The following FAF2 variants were observed in gnomAD, a reference collection of about 807,000 sequenced individuals.
The protein encoded by FAF2 is FAS-associated factor 2.
FAF2 carries 9 observed loss-of-function variants against 62.3 expected under a neutral mutation model. The ratio of observed to expected loss-of-function variants is 0.14; its 90% confidence interval spans 0.09 to 0.25. FAF2 has a LOEUF of 0.25. Ranked by LOEUF, FAF2 falls within the 10% of genes least tolerant of loss-of-function variation. FAF2 has a pLI of 1.00. For missense variants in FAF2, 368 were observed against 556.2 expected (o/e 0.66, Z 3.40); for synonymous variants, 202 against 198.0 (o/e 1.02, Z -0.17).
intron 1 of FAF2, among the ~76,000 whole-genome samples, chr5:176,463,174 A>C (rs948544829): frequency 2.6e-5 from 4 of 152,024 alleles, no homozygotes; most frequent in African/African-American, 7.2e-5. Flanking sequence ...CGGGTGGATC[A>C]CCTGAGGTCA....
chr5:176,469,729 T>G (rs142236777), intron 1 of FAF2, among the ~76,000 whole-genome samples: 4 of 152,338 alleles, frequency 2.6e-5, no homozygotes, highest in Non-Finnish European at 5.9e-5. Context: ...TTCATCATAG[T>G]GCTATTTTAA....
At position 176,508,406 on chromosome 5, in the gene FAF2, C is replaced by CA. The variant is rs1224698504; in HGVS notation, c.*1458dup. The CA allele has an allele frequency of 6.6e-6, 1 of 152,134 alleles. No individual in the cohort carries two copies. Among genetic ancestry groups the CA allele is most frequent in the African/African-American group, 2.4e-5 (1 of 41,420 alleles). 9.4% of individuals were successfully genotyped at this position (152,134 alleles called of 1,614,324 possible). A position where few individuals can be genotyped will look rare whatever the true frequency, so the allele number is the denominator to read the frequency against. On this transcript the variant is annotated 3_prime_UTR_variant, in exon 11 of 11. Coordinates refer to ENST00000261942, the MANE Select transcript of FAF2 (RefSeq NM_014613.3). ...TGCTGTGAGGGCGGGGGGTTCAGAT[C>CA]AACATAAAGCCTAACTTGCTGGAGT...
At chr5:176,490,829 A>G (rs1458294135) in intron 4 of FAF2, among the ~76,000 whole-genome samples, 1 of 67,004 alleles carries the variant, frequency 1.5e-5, no homozygotes, top group Non-Finnish European at 3.3e-5. Flanking sequence ...TCGTGGGAAT[A>G]TTGTGTAATG....
intron 4 of FAF2, among the ~76,000 whole-genome samples, chr5:176,490,579 G>A (rs911581142): frequency 3.3e-5 from 5 of 152,122 alleles, no homozygotes; most frequent in African/African-American, 4.8e-5. Flanking sequence ...AGCTGCATAA[G>A]TACAAGGGTC....
At chr5:176,478,825 A>T (rs1190335101) in intron 1 of FAF2, among the ~76,000 whole-genome samples, 1 of 152,218 alleles carries the variant, frequency 6.6e-6, no homozygotes, top group African/African-American at 2.4e-5. Flanking sequence ...CAGATTTGGG[A>T]TGCTCAACCT....
intron 1 of FAF2, among the ~76,000 whole-genome samples, chr5:176,465,457 T>G (rs748726185): frequency 2.8e-5 from 4 of 144,442 alleles, no homozygotes; most frequent in Non-Finnish European, 6.0e-5. Context: ...AGCCTCCACC[T>G]CCTGGATTCA....
At chr5:176,490,384 G>A (rs114922200) in intron 4 of FAF2, among the ~76,000 whole-genome samples, 4,181 of 152,152 alleles carry the variant, frequency 0.027, 173 homozygotes, top group African/African-American at 0.095. Context: ...TGGGTTATCT[G>A]GTCCAGAGCC....
At chr5:176,505,193 C>T (rs1294141761) in intron 10 of FAF2, among the ~76,000 whole-genome samples, 6 of 152,116 alleles carry the variant, frequency 3.9e-5, no homozygotes, top group Non-Finnish European at 1.5e-5. Context: ...GTATGTTCGT[C>T]ATCTTTGGGG....
intron 1 of FAF2, among the ~76,000 whole-genome samples, chr5:176,454,795 T>C (rs1476120411): frequency 6.6e-6 from 1 of 152,162 alleles, no homozygotes; most frequent in Admixed American, 6.6e-5. Context: ...GACTGATTAA[T>C]TGGAGCAGAT....
At chr5:176,466,614 A>G (rs1313072597) in intron 1 of FAF2, among the ~76,000 whole-genome samples, 5 of 152,228 alleles carry the variant, frequency 3.3e-5, no homozygotes, top group Non-Finnish European at 5.9e-5. Flanking sequence ...ATTGTTTGTG[A>G]TACCTTCTTT....
intron 5 of FAF2, among the ~76,000 whole-genome samples, chr5:176,493,120 A>G (rs1382664574): frequency 6.6e-6 from 1 of 152,250 alleles, no homozygotes; most frequent in Non-Finnish European, 1.5e-5. Context: ...ATGCTGTGGC[A>G]ATAGGCAAAA....
intron 1 of FAF2, among the ~76,000 whole-genome samples, chr5:176,477,395 A>G (rs1296026924): frequency 6.6e-6 from 1 of 151,958 alleles, no homozygotes; most frequent in African/African-American, 2.4e-5. Context: ...CCTAGAGTCC[A>G]ATTCTTAAAG....
At chr5:176,479,135 C>T in intron 1 of FAF2, 53 bp from the exon 2 acceptor site, 1 of 1,404,148 alleles carries the variant, frequency 7.1e-7, no homozygotes, top group East Asian at 2.3e-5. Context: ...AAAATACTCA[C>T]ACGTATACTG....
chr5:176,498,845 T>C (rs913455477), intron 8 of FAF2, 69 bp from the exon 9 acceptor site: 29 of 1,394,242 alleles, frequency 2.1e-5, no homozygotes, highest in Non-Finnish European at 2.6e-5. Context: ...ACAGAAGATT[T>C]CAATATAAGA....
intron 1 of FAF2, 129 bp from the exon 2 acceptor site, chr5:176,479,059 T>G: frequency 1.3e-6 from 1 of 747,774 alleles, no homozygotes; most frequent in Non-Finnish European, 2.4e-6. Flanking sequence ...ATCGGTGAAG[T>G]TTTACCATAC....
At position 176,494,827 on chromosome 5, in the gene FAF2, G is replaced by A. The variant is rs1355041424; in HGVS notation, c.661+552G>A. On this transcript the variant is annotated intron_variant, in intron 7 of 10. Transcript: ENST00000261942. The surrounding 1 kb of genome is among the most constrained non-coding windows in gnomAD (Gnocchi z 4.0). ...CTCCCAAAGTGCTGGGATTACAGGTGTGAGCCACTGTGCCCCGCCATAATT... is the reference window on the plus strand; with the variant it reads ...CTCCCAAAGTGCTGGGATTACAGGTATGAGCCACTGTGCCCCGCCATAATT... Among the ~76,000 whole-genome samples, 3 of 152,144 alleles carry A rather than the reference G, an allele frequency of 2.0e-5. No individual in the cohort carries two copies. Among genetic ancestry groups the A allele is most frequent in the Non-Finnish European group, 4.4e-5 (3 of 68,032 alleles).
intron 4 of FAF2, among the ~76,000 whole-genome samples, chr5:176,489,686 C>T (rs542506153): frequency 6.6e-6 from 1 of 152,044 alleles, no homozygotes; most frequent in Non-Finnish European, 1.5e-5. Flanking sequence ...TACAAGCATG[C>T]GCCACCACGC....
intron 1 of FAF2, among the ~76,000 whole-genome samples, chr5:176,471,776 G>GC (rs1332556413): frequency 2.1e-4 from 31 of 145,996 alleles, no homozygotes; most frequent in Admixed American, 1.2e-3. Context: ...AACCACCTCC[G>GC]CCCCCCGGGT....
intron 1 of FAF2, chr5:176,453,059 TTCATA>T (rs1487934597): frequency 1.3e-4 from 20 of 152,218 alleles, no homozygotes; most frequent in African/African-American, 4.8e-4. Flanking sequence ...GGCATTTTAT[TTCATA>T]TCATGTTTCT....
Sources: allele counts gnomAD v4.1 joint callset (sites outside exome capture counted in the v4.1 genomes callset), GRCh38; gene constraint gnomAD v4.1.1; non-coding constraint Gnocchi (gnomAD v3.1); transcripts MANE v1.5; gene names NCBI Gene and HGNC (gene_info 2026-07-23, HGNC 2026-07-21).